DDX54: variants seen among roughly 807,000 people sequenced by gnomAD.
The protein encoded by DDX54 is DEAD-box helicase 54.
DDX54 carries 67 observed loss-of-function variants against 105.5 expected under a neutral mutation model. The ratio of observed to expected loss-of-function variants is 0.64; its 90% confidence interval spans 0.52 to 0.78. The LOEUF (loss-of-function observed/expected upper bound fraction) is 0.78, where lower values mean the gene tolerates loss of function less well. Among genes scored for constraint, DDX54 ranks in the 30% least tolerant of loss-of-function variants. The probability of loss-of-function intolerance (pLI) is 0.00; values close to 1 mark genes in which losing one functional copy is unlikely to be tolerated. For missense variants in DDX54, 1,206 were observed against 1,230.5 expected (o/e 0.98, Z 0.30); for synonymous variants, 514 against 509.9 (o/e 1.01, Z -0.11).
chr12:113,175,207 G>T, intron 7 of DDX54, 50 bp from the exon 8 acceptor site: 1 of 1,543,618 alleles, frequency 6.5e-7, no homozygotes. Flanking sequence ...TCACTCCCTG[G>T]AGTTCCAACC....
chr12:113,159,270 A>C, intron 19 of DDX54, 161 bp from the exon 20 acceptor site: 1 of 755,240 alleles, frequency 1.3e-6, no homozygotes, highest in Non-Finnish European at 2.0e-6. Context: ...AGTTTTAGGC[A>C]GCCTCATGGA....
At chr12:113,170,331 GA>G in intron 11 of DDX54, among the ~76,000 whole-genome samples, 1 of 152,190 alleles carries the variant, frequency 6.6e-6, no homozygotes, top group East Asian at 1.9e-4. Flanking sequence ...AACAGCTCAG[GA>G]AAAGAGTGGG....
At chr12:113,181,550 T>C (rs12817750) in intron 1 of DDX54, among the ~76,000 whole-genome samples, 10,546 of 151,822 alleles carry the variant, frequency 0.069, 492 homozygotes, top group Non-Finnish European at 0.1. Flanking sequence ...GCCTCAAGTA[T>C]TCCTCCCTTC....
At position 113,163,952 on chromosome 12, in the gene DDX54, C is replaced by G. The variant is rs1289674736; in HGVS notation, c.1938+115G>C. ...CCCGACTCTGCAGATGGGAAGCTGA[C>G]TGCATCCACCTCCATCCACTGCTCA... On this transcript the variant is annotated intron_variant, in intron 15 of 19. Coordinates refer to ENST00000306014, the MANE Select transcript of DDX54 (RefSeq NM_024072.4). The surrounding 1 kb of genome is among the most constrained non-coding windows in gnomAD (Gnocchi z 5.9). The G allele has an allele frequency of 7.0e-7, 1 of 1,429,062 alleles. No homozygotes were observed. Among genetic ancestry groups the G allele is most frequent in the East Asian group, 2.5e-5 (1 of 39,738 alleles). 88.5% of individuals were successfully genotyped at this position (1,429,062 alleles called of 1,614,324 possible).
At chr12:113,166,518 T>C (rs1952278413) in intron 12 of DDX54, among the ~76,000 whole-genome samples, 1 of 152,110 alleles carries the variant, frequency 6.6e-6, no homozygotes, top group Non-Finnish European at 1.5e-5. Flanking sequence ...CTGAGCAATG[T>C]AGTGACACTC....
chr12:113,180,946 C>A lies in DDX54; in HGVS notation c.287G>T (p.Gly96Val), dbSNP rs1952458710. 3 of 1,613,140 alleles carry A rather than the reference C, an allele frequency of 1.9e-6. No homozygotes were observed. Among genetic ancestry groups the A allele is most frequent in the South Asian group, 1.1e-5 (1 of 90,940 alleles). ...GCACCCACCCATGGACTGGAAGCCT[C>A]CAGACTTCTTCTTCTTCTTGTTCTG... ...RAQNKKKKKSGGFQSMGLSYP... is the reference protein window; with the variant it reads ...RAQNKKKKKSVGFQSMGLSYP... The change falls in exon 2 of 20, where the codon GGA (glycine) becomes GTA (valine). Residue 96 changes from glycine (G) to valine (V), a missense_variant. Around this residue, in one of 3 missense-constraint regions of DDX54, gnomAD observed 212 missense variants for 155.4 expected, o/e 1.36. Coordinates refer to ENST00000306014, the MANE Select transcript of DDX54 (RefSeq NM_024072.4).
intron 10 of DDX54, 97 bp downstream of exon 10, chr12:113,174,543 G>A (rs1441916897): frequency 1.3e-6 from 2 of 1,507,666 alleles, no homozygotes; most frequent in Non-Finnish European, 1.8e-6. Flanking sequence ...CCAGGCTCCT[G>A]GTCCGCTCTC....
chr12:113,172,483 T>C lies in DDX54; in HGVS notation c.1149A>G (p.Lys383=), dbSNP rs751235992. 5 of 1,614,216 alleles carry C rather than the reference T, an allele frequency of 3.1e-6. No individual in the cohort carries two copies. In the East Asian group the frequency reaches 6.7e-5, roughly 22 times the overall value. ...GAGTGGAGCACTTGCCAAGCGTGAA[T>C]TTGGCGAGATTGATCTTGCGGGCTG... ...DPTARKINLA[K]FTLGKCSTLI... The change falls in exon 11 of 20, where the codon AAA becomes AAG. Residue 383 remains lysine, a synonymous_variant. Coordinates refer to ENST00000306014, the MANE Select transcript of DDX54 (RefSeq NM_024072.4).
chr12:113,158,780 T>C lies in DDX54; in HGVS notation c.*97A>G, dbSNP rs1952167062. 1 of 1,348,440 alleles carries C rather than the reference T, an allele frequency of 7.4e-7. No homozygotes were observed. The highest frequency in any genetic ancestry group is 1.5e-5 in the African/African-American group (1 of 68,516). The allele number at this position is 1,348,440 out of a possible 1,614,324, so 83.5% of individuals were successfully genotyped here. The stretch of plus-strand genomic sequence containing the variant: ...TGGCTCCTGCAGGGAGTGCCCCCAG[T>C]GCCCAGCACAGGGCCAGGCACACAG... On this transcript the variant is annotated 3_prime_UTR_variant, in exon 20 of 20. Coordinates refer to ENST00000306014, the MANE Select transcript of DDX54 (RefSeq NM_024072.4). This position sits in a 1 kb window ranked among gnomAD's most constrained non-coding sequence, Gnocchi z 4.9.
intron 1 of DDX54, among the ~76,000 whole-genome samples, chr12:113,184,537 A>G (rs543546553): frequency 3.9e-5 from 6 of 152,206 alleles, no homozygotes; most frequent in Non-Finnish European, 8.8e-5. Flanking sequence ...TAAACGGTCA[A>G]CAAACACAAA....
Position 113,161,993 on chromosome 12 carries a change from G to A in DDX54, c.2200C>T (p.Arg734Cys). The change falls in exon 18 of 20, where the codon CGT becomes TGT. Residue 734 changes from arginine to cysteine, a missense_variant. This residue lies in a region of DDX54 where 961 missense variants were observed against 1,019.1 expected (regional missense o/e 0.94). Transcript: ENST00000306014. ...TGTCCCACAAACCGCTTCTTCTTACGGTCCCTGCAGGAGAGGGAGTTGGGA... is the reference window on the plus strand; with the variant it reads ...TGTCCCACAAACCGCTTCTTCTTACAGTCCCTGCAGGAGAGGGAGTTGGGA... ...TRGRQQLKWD[R>C]KKKRFVGQSG... is the part of the protein sequence containing the mutation. 1.2e-6 allele frequency: 2 copies of A among 1,612,574 alleles called. No individual in the cohort carries two copies. Among genetic ancestry groups the A allele is most frequent in the Non-Finnish European group, 1.7e-6 (2 of 1,179,864 alleles).
In DDX54 at chr12:113,174,772, C is replaced by A; in HGVS notation, c.937-1G>T. 1 of 1,613,796 alleles carries A rather than the reference C, an allele frequency of 6.2e-7. No homozygotes were observed. Among genetic ancestry groups the A allele is most frequent in the Middle Eastern group, 1.7e-4 (1 of 6,058 alleles). ...CCTCCCGCACGAGGAAGAAGGAGGT[C>A]TGTGGGGAGAGGGCATCACGTGTTG... On this transcript the variant is annotated splice_acceptor_variant, in intron 9 of 19. Coordinates refer to ENST00000306014, the MANE Select transcript of DDX54 (RefSeq NM_024072.4). LOFTEE classifies it high-confidence loss of function.
At chr12:113,183,521 T>G (rs927979603) in intron 1 of DDX54, among the ~76,000 whole-genome samples, 1 of 152,248 alleles carries the variant, frequency 6.6e-6, no homozygotes, top group African/African-American at 2.4e-5. Flanking sequence ...AAATGTCCAC[T>G]TACTCATCTT....
rs891338950 is a variant in DDX54, at chr12:113,169,901, C to G, written c.1283G>C (p.Arg428Pro). ...KGKLFLHRVG[R>P]VARAGRSGTA... ...GCCACTTCGGCCAGCCCGAGCCACA[C>G]GGCCTGCAGCAAGGAGACGTTCAAG... is the stretch of plus-strand genomic sequence containing the variant. The change falls in exon 12 of 20, where the codon CGT (arginine) becomes CCT (proline). Residue 428 changes from arginine to proline, a missense_variant. This residue lies in a region of DDX54 where 961 missense variants were observed against 1,019.1 expected (regional missense o/e 0.94). Coordinates refer to ENST00000306014, the MANE Select transcript of DDX54 (RefSeq NM_024072.4). The G allele has an allele frequency of 6.2e-7, 1 of 1,613,934 alleles. No individual in the cohort carries two copies. Among genetic ancestry groups the G allele is most frequent in the African/African-American group, 1.3e-5 (1 of 75,044 alleles).
chr12:113,185,349 G>C lies in DDX54; in HGVS notation c.103C>G (p.Gln35Glu), dbSNP rs781307464. The part of the protein sequence containing the change: ...GLRKRRGAAS[Q>E]ARGSDSEDGE... ...TCCTCCGAGTCGCTGCCGCGGGCCT[G>C]GGAGGCCGCGCCTCGGCGCTTCCGG... The change falls in exon 1 of 20, where the codon CAG becomes GAG. Residue 35 changes from glutamine (Q) to glutamate (E), a missense_variant. By Grantham distance (29) the Gln-to-Glu change is conservative. This residue lies in a region of DDX54 where 212 missense variants were observed against 155.4 expected (regional missense o/e 1.36). Transcript: ENST00000306014. 2 of 1,587,324 alleles carry C rather than the reference G, an allele frequency of 1.3e-6. No individual in the cohort carries two copies. The highest frequency in any genetic ancestry group is 2.7e-5 in the African/African-American group (2 of 73,344).
At chr12:113,176,818 A>C (rs2136324023) in intron 7 of DDX54, 22 bp downstream of exon 7, 1 of 1,612,918 alleles carries the variant, frequency 6.2e-7, no homozygotes, top group East Asian at 2.2e-5. Flanking sequence ...ACAAGTGCTC[A>C]GGGCTGGACC....
At chr12:113,181,593 G>T (rs183758492) in intron 1 of DDX54, among the ~76,000 whole-genome samples, 1 of 151,650 alleles carries the variant, frequency 6.6e-6, no homozygotes, top group African/African-American at 2.4e-5. Context: ...TTACAGGCAT[G>T]AACCACCACA....
intron 10 of DDX54, among the ~76,000 whole-genome samples, chr12:113,174,179 CAA>C (rs745618043): frequency 2.6e-4 from 28 of 109,524 alleles, no homozygotes; most frequent in Admixed American, 3.8e-4. Context: ...ATACCATTTC[CAA>C]AAAAAAAAAA....
intron 19 of DDX54, among the ~76,000 whole-genome samples, chr12:113,160,705 G>A (rs536673809): frequency 3.3e-5 from 5 of 152,238 alleles, no homozygotes; most frequent in African/African-American, 1.2e-4. Flanking sequence ...CCCTGTGATC[G>A]CCTCCTCCCA....
Sources: allele counts gnomAD v4.1 joint callset (sites outside exome capture counted in the v4.1 genomes callset), GRCh38; gene constraint gnomAD v4.1.1; regional missense constraint gnomAD v4.1.1; non-coding constraint Gnocchi (gnomAD v3.1); transcripts MANE v1.5; gene names NCBI Gene and HGNC (gene_info 2026-07-23, HGNC 2026-07-21).